Variants in RPTOR observed in about 807,000 individuals in gnomAD.
The protein encoded by RPTOR is regulatory-associated protein of mTOR.
RPTOR carries 21 observed loss-of-function variants against 169.9 expected under a neutral mutation model. The observed-to-expected ratio is 0.12, with a 90% CI of 0.09 to 0.18. RPTOR has a LOEUF of 0.18. Among genes scored for constraint, RPTOR ranks in the 10% least tolerant of loss-of-function variants. The pLI is 1.00. For missense variants in RPTOR, 1,133 were observed against 1,855.9 expected, an observed-to-expected ratio of 0.61 and a Z score of 7.16; for synonymous variants, 732 against 753.2, an observed-to-expected ratio of 0.97 and a Z score of 0.46.
intron 5 of RPTOR, among the ~76,000 whole-genome samples, chr17:80,747,952 C>T (rs1013778173): frequency 2.0e-5 from 3 of 151,932 alleles, no homozygotes; most frequent in Non-Finnish European, 4.4e-5. Context: ...GTGGGAGGAC[C>T]TGTTGGATGG....
At chr17:80,828,538 G>A (rs1316618952) in intron 9 of RPTOR, among the ~76,000 whole-genome samples, 1 of 152,226 alleles carries the variant, frequency 6.6e-6, no homozygotes, top group East Asian at 1.9e-4. Context: ...CTGACCTGAG[G>A]CCCCTAACCC....
chr17:80,951,044 G>A (rs1427624887), intron 28 of RPTOR, among the ~76,000 whole-genome samples: 5 of 152,128 alleles, frequency 3.3e-5, no homozygotes, highest in Non-Finnish European at 5.9e-5. Flanking sequence ...GCTAGCCCCG[G>A]GGTCCATGAG....
At chr17:80,752,664 G>C (rs1412541600) in intron 5 of RPTOR, among the ~76,000 whole-genome samples, 1 of 152,194 alleles carries the variant, frequency 6.6e-6, no homozygotes, top group Non-Finnish European at 1.5e-5. Flanking sequence ...CACAATCTCA[G>C]TGCTAGTATA....
intron 3 of RPTOR, among the ~76,000 whole-genome samples, chr17:80,698,715 T>C (rs971399374): frequency 6.6e-6 from 1 of 152,250 alleles, no homozygotes; most frequent in Non-Finnish European, 1.5e-5. Context: ...AAAGGAAATG[T>C]CTTTTATTAC....
chr17:80,570,747 T>A (rs185546273), intron 1 of RPTOR, among the ~76,000 whole-genome samples: 1 of 152,272 alleles, frequency 6.6e-6, no homozygotes. Flanking sequence ...AGGCGTGAGC[T>A]ACCATGCTGG....
chr17:80,748,509 A>G (rs371755214), intron 5 of RPTOR, among the ~76,000 whole-genome samples: 28 of 95,900 alleles, frequency 2.9e-4, no homozygotes, highest in Admixed American at 4.4e-4. Flanking sequence ...GGATGGAGGG[A>G]CTGCGGTGTG....
chr17:80,832,373 C>T (rs1170195797), intron 9 of RPTOR, among the ~76,000 whole-genome samples: 2 of 152,136 alleles, frequency 1.3e-5, no homozygotes, highest in Non-Finnish European at 2.9e-5. Flanking sequence ...GAGGAGTGGA[C>T]GAGGCAGCTC....
chr17:80,775,748 A>G (rs544522191), intron 6 of RPTOR, among the ~76,000 whole-genome samples: 1 of 152,376 alleles, frequency 6.6e-6, no homozygotes, highest in African/African-American at 2.4e-5. Context: ...AAATAATATT[A>G]TAACAGTAAA....
chr17:80,681,731 C>T (rs576125475), intron 3 of RPTOR, among the ~76,000 whole-genome samples: 159 of 115,892 alleles, frequency 1.4e-3, no homozygotes, highest in Non-Finnish European at 1.9e-3. Flanking sequence ...TCTCTTACAC[C>T]TTCATGAGGT....
At chr17:80,874,311 C>G (rs1248427314) in intron 13 of RPTOR, among the ~76,000 whole-genome samples, 1 of 151,958 alleles carries the variant, frequency 6.6e-6, no homozygotes, top group Non-Finnish European at 1.5e-5. Context: ...ATTTTCCTGC[C>G]TCAGCCTCCC....
intron 4 of RPTOR, among the ~76,000 whole-genome samples, chr17:80,712,974 A>G (rs1016336803): frequency 5.3e-5 from 8 of 152,104 alleles, no homozygotes; most frequent in Non-Finnish European, 1.2e-4. Flanking sequence ...TTGATGAGGT[A>G]TCTCTTCAGG....
chr17:80,852,990 C>T (rs2067810004), intron 11 of RPTOR, among the ~76,000 whole-genome samples: 1 of 152,076 alleles, frequency 6.6e-6, no homozygotes, highest in African/African-American at 2.4e-5. Flanking sequence ...TTCACCCCTT[C>T]TTCTCTCAGC....
At chr17:80,774,100 G>C in intron 6 of RPTOR, 1 of 985,434 alleles carries the variant, frequency 1.0e-6, no homozygotes, top group Non-Finnish European at 1.2e-6. Context: ...AACACCTCAA[G>C]TTTTTAAAAG....
At chr17:80,639,437 C>G (rs1189222422) in intron 2 of RPTOR, among the ~76,000 whole-genome samples, 11 of 152,044 alleles carry the variant, frequency 7.2e-5, no homozygotes, top group Non-Finnish European at 2.9e-5. Context: ...GTATCCTAAA[C>G]TGATCATACC....
intron 7 of RPTOR, among the ~76,000 whole-genome samples, chr17:80,813,993 C>G: frequency 6.6e-6 from 1 of 152,136 alleles, no homozygotes; most frequent in Non-Finnish European, 1.5e-5. Context: ...AAATTAGCTA[C>G]GTGTGGTGGC....
At position 80,754,201 on chromosome 17, in the gene RPTOR, TG is replaced by T; in HGVS notation, c.830+17del. ...CCCTGCGCTGGTGAGTGGCCCCTGC[TG>T]TGCCCCTGGGACCCACTCAACTGGG... is the stretch of plus-strand genomic sequence containing the variant. On this transcript the variant is annotated intron_variant, in intron 6 of 33. Coordinates refer to ENST00000306801, the MANE Select transcript of RPTOR (RefSeq NM_020761.3). This position sits in a 1 kb window ranked among gnomAD's most constrained non-coding sequence, Gnocchi z 4.2. The T allele has an allele frequency of 6.3e-7, 1 of 1,580,784 alleles. No individual in the cohort carries two copies. Among genetic ancestry groups the T allele is most frequent in the Non-Finnish European group, 8.6e-7 (1 of 1,159,430 alleles).
intron 1 of RPTOR, among the ~76,000 whole-genome samples, chr17:80,585,665 C>A (rs1395710945): frequency 6.6e-6 from 1 of 152,186 alleles, no homozygotes; most frequent in East Asian, 1.9e-4. Flanking sequence ...GTGCCTTAAG[C>A]AGTTGCATAG....
chr17:80,870,323 C>T lies in RPTOR; in HGVS notation c.1510-10092C>T, dbSNP rs147922856. Among the ~76,000 whole-genome samples the T allele has an allele frequency of 1.4e-3, 211 of 152,366 alleles. 1 individual carries two copies. The highest frequency in any genetic ancestry group is 4.1e-3 in the African/African-American group (170 of 41,584). On this transcript the variant is annotated intron_variant, in intron 13 of 33. Transcript: ENST00000306801. ...CTGTGGTCCCCGGAAGGAACCCGCA[C>T]TATGAAGAAAAGGCAGATGAGAGAG...
intron 17 of RPTOR, among the ~76,000 whole-genome samples, chr17:80,886,613 G>A (rs117414386): frequency 0.026 from 4,007 of 152,338 alleles, 94 homozygotes; most frequent in South Asian, 0.039. Context: ...GCTGTGAGGC[G>A]TTCCCCAAGA....
Sources: gnomAD v4.1 joint callset for allele counts (sites outside exome capture counted in the v4.1 genomes callset) on GRCh38, gnomAD v4.1.1 for gene constraint, Gnocchi (gnomAD v3.1) non-coding constraint, MANE v1.5 for transcripts, NCBI Gene and HGNC (gene_info 2026-07-23, HGNC 2026-07-21) for gene names.